Variants in FHIT observed in about 807,000 individuals in gnomAD.
The protein encoded by FHIT is bis(5'-adenosyl)-triphosphatase.
In FHIT, 19 loss-of-function variants were observed where a neutral mutation model predicts 17.9. That is an observed-to-expected ratio of 1.06 (90% CI 0.74 to 1.56). The LOEUF (loss-of-function observed/expected upper bound fraction) is 1.56, where lower values mean the gene tolerates loss of function less well. FHIT is among the 40% of genes most tolerant of loss of function. The probability of loss-of-function intolerance (pLI) is 0.00; values close to 1 mark genes in which losing one functional copy is unlikely to be tolerated. For missense variants in FHIT, 248 were observed against 189.2 expected (o/e 1.31, Z -1.82); for synonymous variants, 81 against 69.7 (o/e 1.16, Z -0.81).
intron 5 of FHIT, among the ~76,000 whole-genome samples, chr3:60,165,702 T>G (rs1046966191): frequency 2.0e-5 from 3 of 152,194 alleles, no homozygotes; most frequent in Admixed American, 1.3e-4. Flanking sequence ...CTCCTCTCCT[T>G]AAATTCCTTT....
At chr3:61,105,384 T>A (rs1368704243) in intron 2 of FHIT, among the ~76,000 whole-genome samples, 1 of 152,068 alleles carries the variant, frequency 6.6e-6, no homozygotes, top group African/African-American at 2.4e-5. Context: ...AACTCTGGGG[T>A]ACTTGTATTG....
intron 5 of FHIT, among the ~76,000 whole-genome samples, chr3:60,235,525 G>A (rs977715007): frequency 7.9e-5 from 12 of 152,040 alleles, no homozygotes; most frequent in South Asian, 2.1e-4. Context: ...CACCGTGCCC[G>A]GCCATATCTA....
rs567792002 is a variant in FHIT, at chr3:60,093,718, C to T, written c.104-79566G>A. ...AGAACCCTACTATGAACTGCACATG[C>T]GAAGGATTTAGAATGCGGGCTCCTT... On this transcript the variant is annotated intron_variant, in intron 5 of 9. Coordinates refer to ENST00000492590, the MANE Select transcript of FHIT (RefSeq NM_002012.4). Among the ~76,000 whole-genome samples, 10 of 152,234 alleles carry T rather than the reference C, an allele frequency of 6.6e-5. No individual in the cohort carries two copies. In the South Asian group the frequency reaches 8.3e-4, roughly 13 times the overall value.
chr3:60,003,035 G>T (rs948414179), intron 7 of FHIT, among the ~76,000 whole-genome samples: 1 of 152,304 alleles, frequency 6.6e-6, no homozygotes, highest in South Asian at 2.1e-4. Flanking sequence ...CAAAGAGAAT[G>T]AATTATAATA....
intron 5 of FHIT, among the ~76,000 whole-genome samples, chr3:60,331,590 T>C (rs138937937): frequency 3.3e-4 from 50 of 152,302 alleles, no homozygotes; most frequent in African/African-American, 1.1e-3. Flanking sequence ...CTTGCGCCTG[T>C]AATCCCAGCA....
At chr3:60,119,239 A>G (rs1244725538) in intron 5 of FHIT, among the ~76,000 whole-genome samples, 3 of 151,426 alleles carry the variant, frequency 2.0e-5, no homozygotes, top group Non-Finnish European at 4.4e-5. Flanking sequence ...ATGCCCAGCT[A>G]ATTTTTTATT....
At chr3:61,121,072 C>A (rs1048249823) in intron 2 of FHIT, among the ~76,000 whole-genome samples, 1 of 151,834 alleles carries the variant, frequency 6.6e-6, no homozygotes, top group Non-Finnish European at 1.5e-5. Context: ...AGGAACAAAG[C>A]CTCCAAGGAA....
chr3:60,150,691 G>C (rs1289552123), intron 5 of FHIT, among the ~76,000 whole-genome samples: 1 of 152,172 alleles, frequency 6.6e-6, no homozygotes, highest in Admixed American at 6.5e-5. Context: ...GCTGAGGCGG[G>C]CAGACCGCCT....
chr3:60,997,038 C>T (rs2030724192), intron 3 of FHIT, among the ~76,000 whole-genome samples: 1 of 152,202 alleles, frequency 6.6e-6, no homozygotes, highest in African/African-American at 2.4e-5. Context: ...TTGAGTAAAA[C>T]TAACTCCACA....
At chr3:60,511,019 G>C (rs1037961149) in intron 5 of FHIT, among the ~76,000 whole-genome samples, 1 of 152,152 alleles carries the variant, frequency 6.6e-6, no homozygotes, top group African/African-American at 2.4e-5. Context: ...GTAATAATGA[G>C]TAGCTATTTT....
intron 4 of FHIT, among the ~76,000 whole-genome samples, chr3:60,621,871 CA>C (rs10596787): frequency 0.14 from 18,772 of 136,952 alleles, 1,408 homozygotes; most frequent in Middle Eastern, 0.24. Context: ...AGACACTCTC[CA>C]AAAAAAAAAA....
chr3:61,088,274 T>C (rs1456536906), intron 2 of FHIT, among the ~76,000 whole-genome samples: 1 of 152,174 alleles, frequency 6.6e-6, no homozygotes, highest in African/African-American at 2.4e-5. Flanking sequence ...GGACTCTGTC[T>C]AAGATGGGCT....
intron 5 of FHIT, among the ~76,000 whole-genome samples, chr3:60,479,212 G>C (rs1053287464): frequency 3.9e-5 from 6 of 152,184 alleles, no homozygotes; most frequent in African/African-American, 1.4e-4. Context: ...TGACATCAAA[G>C]TTACAGTGTT....
intron 5 of FHIT, among the ~76,000 whole-genome samples, chr3:60,496,070 T>C (rs1028124616): frequency 4.6e-5 from 7 of 152,106 alleles, no homozygotes; most frequent in Non-Finnish European, 7.4e-5. Flanking sequence ...AGTACTGTTA[T>C]GATATTAACA....
chr3:61,210,608 G>A (rs2039431520), intron 1 of FHIT, among the ~76,000 whole-genome samples: 1 of 152,240 alleles, frequency 6.6e-6, no homozygotes, highest in Non-Finnish European at 1.5e-5. Context: ...TCCGAGCCAT[G>A]TGCGGTATAT....
intron 5 of FHIT, among the ~76,000 whole-genome samples, chr3:60,220,337 G>T (rs1481943648): frequency 6.6e-6 from 1 of 151,708 alleles, no homozygotes; most frequent in African/African-American, 2.4e-5. Context: ...CATTTTCAAG[G>T]CCTGCCTGTC....
chr3:60,757,951 C>T (rs894641670), intron 4 of FHIT, among the ~76,000 whole-genome samples: 2 of 152,186 alleles, frequency 1.3e-5, no homozygotes, highest in Non-Finnish European at 2.9e-5. Flanking sequence ...ACCCTTTCCT[C>T]GCCTGTTGCC....
chr3:60,987,674 G>A (rs1353652559), intron 3 of FHIT, among the ~76,000 whole-genome samples: 2 of 152,136 alleles, frequency 1.3e-5, no homozygotes, highest in African/African-American at 4.8e-5. Flanking sequence ...GCACTGCTGG[G>A]TTAGGGTCTC....
intron 2 of FHIT, among the ~76,000 whole-genome samples, chr3:61,150,166 G>C (rs1163048936): frequency 6.6e-6 from 1 of 152,138 alleles, no homozygotes; most frequent in African/African-American, 2.4e-5. Context: ...CCTTCAAACT[G>C]TCAGAGAAGA....
Sources: gnomAD v4.1 joint callset for allele counts (sites outside exome capture counted in the v4.1 genomes callset) on GRCh38, gnomAD v4.1.1 for gene constraint, MANE v1.5 for transcripts, NCBI Gene and HGNC (gene_info 2026-07-23, HGNC 2026-07-21) for gene names.